Variants in RALGAPA2 observed in about 807,000 individuals in gnomAD.
RALGAPA2 encodes Ral GTPase activating protein catalytic subunit alpha 2.
Under a neutral mutation model 230.4 loss-of-function variants are expected in RALGAPA2, and 139 were observed. The ratio of observed to expected loss-of-function variants is 0.60; its 90% confidence interval spans 0.53 to 0.69. RALGAPA2 has a LOEUF of 0.69. Ranked by LOEUF, RALGAPA2 falls within the 30% of genes least tolerant of loss-of-function variation. RALGAPA2 has a pLI of 0.00. For synonymous variants in RALGAPA2, 847 were observed against 837.8 expected (o/e 1.01, Z -0.19); for missense variants, 2,163 against 2,276.0 (o/e 0.95, Z 1.01).
chr20:20,671,769 A>T (rs1037349704), intron 3 of RALGAPA2, among the ~76,000 whole-genome samples: 3 of 152,212 alleles, frequency 2.0e-5, no homozygotes, highest in Non-Finnish European at 4.4e-5. Flanking sequence ...ACATGAAGAG[A>T]AAGTATCAAA....
rs772042862 is a variant in RALGAPA2 at position 20,524,405 on chromosome 20, C to T, written c.3900+1G>A. 1.9e-6 allele frequency: 3 copies of T among 1,613,646 alleles called. No homozygotes were observed. The highest frequency in any genetic ancestry group is 1.7e-5 in the Admixed American group (1 of 60,006). On this transcript the variant is annotated splice_donor_variant, in intron 30 of 39. Coordinates refer to ENST00000202677, the MANE Select transcript of RALGAPA2 (RefSeq NM_020343.4). LOFTEE classifies it high-confidence loss of function. ...TCCCCCAGGCCCAGGTGTAGACTCA[C>T]CCTGTAGATATAATCCAGCAAGGGG...
At chr20:20,602,780 G>A (rs2065695529) in intron 15 of RALGAPA2, among the ~76,000 whole-genome samples, 1 of 152,126 alleles carries the variant, frequency 6.6e-6, no homozygotes, top group African/African-American at 2.4e-5. Flanking sequence ...AGATGAATCT[G>A]TGGGTAGGAA....
chr20:20,442,171 T>C (rs2060753663), intron 37 of RALGAPA2, among the ~76,000 whole-genome samples: 1 of 152,232 alleles, frequency 6.6e-6, no homozygotes, highest in Non-Finnish European at 1.5e-5. Flanking sequence ...TCATTCAGCT[T>C]CTCTCTGTGC....
intron 26 of RALGAPA2, among the ~76,000 whole-genome samples, chr20:20,533,683 A>G (rs2063425932): frequency 6.6e-6 from 1 of 152,210 alleles, no homozygotes; most frequent in Non-Finnish European, 1.5e-5. Flanking sequence ...AGAACTGGGC[A>G]TTCATTTTTT....
In RALGAPA2 at chr20:20,680,688, T is replaced by C. The variant is rs1195093340; in HGVS notation, c.217+3A>G. 6.5e-7 allele frequency: 1 copy of C among 1,542,116 alleles called. No individual in the cohort carries two copies. Among genetic ancestry groups the C allele is most frequent in the Non-Finnish European group, 8.7e-7 (1 of 1,150,962 alleles). On this transcript the variant is annotated splice_donor_region_variant and intron_variant, in intron 2 of 39. Coordinates refer to ENST00000202677, the MANE Select transcript of RALGAPA2 (RefSeq NM_020343.4). ...TTTAAAAAAAAACTACTGAAATGCT[T>C]ACCTTTTAATTTCAAACTATTTTCC... is the stretch of plus-strand genomic sequence containing the variant.
intron 12 of RALGAPA2, 32 bp downstream of exon 12, chr20:20,619,245 G>C: frequency 6.4e-7 from 1 of 1,558,684 alleles, no homozygotes; most frequent in Non-Finnish European, 8.7e-7. Context: ...GTAGGCGGTG[G>C]AGGGGTCTTC....
intron 15 of RALGAPA2, 43 bp from the exon 16 acceptor site, chr20:20,601,889 AT>A: frequency 6.6e-7 from 1 of 1,507,972 alleles, no homozygotes; most frequent in African/African-American, 1.4e-5. Flanking sequence ...TGAATTCATT[AT>A]TATTCATTTC....
At chr20:20,436,992 C>T (rs561841187) in intron 37 of RALGAPA2, among the ~76,000 whole-genome samples, 13 of 152,308 alleles carry the variant, frequency 8.5e-5, no homozygotes, top group Middle Eastern at 3.4e-3. Flanking sequence ...CGGGAGGCTC[C>T]GAGCTCTGAA....
At chr20:20,428,962 A>C (rs957004621) in intron 37 of RALGAPA2, among the ~76,000 whole-genome samples, 3 of 152,102 alleles carry the variant, frequency 2.0e-5, no homozygotes, top group African/African-American at 7.2e-5. Flanking sequence ...AAAACCCATC[A>C]TAGTGAGATT....
intron 24 of RALGAPA2, among the ~76,000 whole-genome samples, chr20:20,544,803 A>C (rs892060165): frequency 4.6e-5 from 7 of 152,018 alleles, no homozygotes; most frequent in Non-Finnish European, 7.4e-5. Flanking sequence ...TCTCACTCAT[A>C]AGTGGGAGCT....
intron 2 of RALGAPA2, among the ~76,000 whole-genome samples, chr20:20,678,584 T>C (rs941786677): frequency 1.3e-5 from 2 of 152,156 alleles, no homozygotes; most frequent in Non-Finnish European, 2.9e-5. Context: ...TTCTTTTTCC[T>C]TGACCTGTCT....
In RALGAPA2 at chr20:20,420,124, A is replaced by C. The variant is rs146458430; in HGVS notation, c.5496-7976T>G. On this transcript the variant is annotated intron_variant, in intron 37 of 39. Coordinates refer to ENST00000202677, the MANE Select transcript of RALGAPA2 (RefSeq NM_020343.4). The stretch of plus-strand genomic sequence containing the variant: ...GAGTGTAAGAGCAGTTCGGGCACAG[A>C]GAATGCCATGAGCGGGAAGGAAGTT... 9.1e-4 allele frequency among the ~76,000 whole-genome samples: 139 copies of C among 152,310 alleles called. 2 individuals carry two copies. The highest frequency in any genetic ancestry group is 3.7e-3 in the South Asian group (18 of 4,824).
At chr20:20,600,888 T>A (rs2065621018) in intron 16 of RALGAPA2, among the ~76,000 whole-genome samples, 1 of 152,060 alleles carries the variant, frequency 6.6e-6, no homozygotes, top group African/African-American at 2.4e-5. Flanking sequence ...GATCACGAGG[T>A]CAGGAATTCG....
intron 20 of RALGAPA2, among the ~76,000 whole-genome samples, chr20:20,581,393 G>A (rs1398806287): frequency 4.6e-5 from 7 of 152,250 alleles, no homozygotes; most frequent in South Asian, 4.1e-4. Flanking sequence ...TAATCTGTAA[G>A]GATTCTCAAG....
intron 23 of RALGAPA2, among the ~76,000 whole-genome samples, chr20:20,565,825 T>C (rs912142407): frequency 4.6e-5 from 7 of 152,232 alleles, no homozygotes; most frequent in African/African-American, 1.7e-4. Flanking sequence ...GATCATGTAT[T>C]GCCAGTGACC....
At chr20:20,508,411 C>T (rs1221958813) in intron 33 of RALGAPA2, among the ~76,000 whole-genome samples, 1 of 152,116 alleles carries the variant, frequency 6.6e-6, no homozygotes, top group East Asian at 1.9e-4. Context: ...AGGAATAGAC[C>T]AGAATAGCTC....
At chr20:20,469,821 T>G (rs2061499279) in intron 37 of RALGAPA2, among the ~76,000 whole-genome samples, 1 of 152,152 alleles carries the variant, frequency 6.6e-6, no homozygotes, top group African/African-American at 2.4e-5. Context: ...TTTACAACCC[T>G]CTAGGCACAG....
At chr20:20,548,383 G>C (rs2063831605) in intron 23 of RALGAPA2, among the ~76,000 whole-genome samples, 1 of 151,624 alleles carries the variant, frequency 6.6e-6, no homozygotes, top group African/African-American at 2.4e-5. Flanking sequence ...TCTTTACATG[G>C]GTCTTAGTTT....
intron 1 of RALGAPA2, among the ~76,000 whole-genome samples, chr20:20,687,952 T>C (rs1048725072): frequency 2.6e-5 from 4 of 152,206 alleles, no homozygotes; most frequent in African/African-American, 9.7e-5. Context: ...TTCCTTTTCC[T>C]GACACCAGCC....
Sources: gnomAD v4.1 joint callset for allele counts (sites outside exome capture counted in the v4.1 genomes callset) on GRCh38, gnomAD v4.1.1 for gene constraint, MANE v1.5 for transcripts, NCBI Gene and HGNC (gene_info 2026-07-23, HGNC 2026-07-21) for gene names.